PPM1L: variants seen among roughly 807,000 people sequenced by gnomAD.
The protein encoded by PPM1L is protein phosphatase, Mg2+/Mn2+ dependent 1L.
A neutral mutation model predicts 31.4 loss-of-function variants in PPM1L; 13 were observed. The ratio of observed to expected loss-of-function variants is 0.41; its 90% CI spans 0.27 to 0.66. The LOEUF is 0.66. Ranked by LOEUF, PPM1L falls within the 30% of genes least tolerant of loss-of-function variation. The pLI is 0.29. For synonymous variants in PPM1L, 184 were observed against 175.4 expected (o/e 1.05, Z -0.39); for missense variants, 326 against 453.7 (o/e 0.72, Z 2.56).
chr3:161,078,060 G>A lies in PPM1L; in HGVS notation c.*8903G>A, dbSNP rs1720165181. 1 of 152,142 alleles carries A rather than the reference G, an allele frequency of 6.6e-6. No individual in the cohort carries two copies. The highest frequency in any genetic ancestry group is 2.4e-5 in the African/African-American group (1 of 41,426). 9.4% of individuals were successfully genotyped at this position (152,142 alleles called of 1,614,324 possible). On this transcript the variant is annotated 3_prime_UTR_variant, in exon 4 of 4. Transcript: ENST00000498165. Reference sequence around the variant, plus strand: ...TTAGAGACGGTAAAGATCTGATTGTGATCAAAAGTAGGGTTTTTGTTTTGT... The same window carrying A: ...TTAGAGACGGTAAAGATCTGATTGTAATCAAAAGTAGGGTTTTTGTTTTGT...
intron 1 of PPM1L, among the ~76,000 whole-genome samples, chr3:160,921,032 A>G (rs970116358): frequency 1.3e-5 from 2 of 152,224 alleles, no homozygotes; most frequent in Non-Finnish European, 2.9e-5. Context: ...TGCCAAAAAC[A>G]TAGAAATCTG....
intron 1 of PPM1L, among the ~76,000 whole-genome samples, chr3:160,920,856 T>C (rs985231527): frequency 6.6e-6 from 1 of 152,012 alleles, no homozygotes; most frequent in Non-Finnish European, 1.5e-5. Context: ...ATAACCAGGT[T>C]CCCCTGGCAG....
At chr3:160,991,231 A>G (rs1717126480) in intron 2 of PPM1L, among the ~76,000 whole-genome samples, 1 of 152,226 alleles carries the variant, frequency 6.6e-6, no homozygotes, top group Non-Finnish European at 1.5e-5. Flanking sequence ...AATTAAATTC[A>G]GGGAAGAGAC....
intron 1 of PPM1L, among the ~76,000 whole-genome samples, chr3:160,760,494 A>G (rs1282858698): frequency 6.6e-6 from 1 of 152,148 alleles, no homozygotes; most frequent in Non-Finnish European, 1.5e-5. Context: ...GATTCTAACC[A>G]TGATACTGTG....
rs181450726 is a variant in PPM1L, at chr3:160,761,854, A to C, written c.399+5147A>C. On this transcript the variant is annotated intron_variant, in intron 1 of 3. Coordinates refer to ENST00000498165, the MANE Select transcript of PPM1L (RefSeq NM_139245.4). ...AGAAGAAGAGAGCTTGTGGAGGGAAACTTCCCCTTATATAATTATCAGATC... is the reference window on the plus strand; with the variant it reads ...AGAAGAAGAGAGCTTGTGGAGGGAACCTTCCCCTTATATAATTATCAGATC... 6.1e-4 allele frequency among the ~76,000 whole-genome samples: 93 copies of C among 152,178 alleles called. 2 individuals carry two copies. The highest frequency in any genetic ancestry group is 5.4e-3 in the Admixed American group (82 of 15,266).
chr3:160,875,224 A>G (rs1016035462), intron 1 of PPM1L, among the ~76,000 whole-genome samples: 1 of 152,322 alleles, frequency 6.6e-6, no homozygotes, highest in East Asian at 1.9e-4. Flanking sequence ...TATGGAATGT[A>G]CTTATTTATT....
chr3:160,922,500 C>T (rs1218893697), intron 1 of PPM1L, among the ~76,000 whole-genome samples: 1 of 152,192 alleles, frequency 6.6e-6, no homozygotes, highest in Non-Finnish European at 1.5e-5. Context: ...AATTCTCCAT[C>T]ACCCACCAGG....
chr3:160,889,450 G>A (rs2108044639), intron 1 of PPM1L, among the ~76,000 whole-genome samples: 1 of 152,262 alleles, frequency 6.6e-6, no homozygotes, highest in Admixed American at 6.5e-5. Context: ...ACTAAGTCAG[G>A]AAGAAGTTGA....
chr3:160,865,442 T>A (rs528954150), intron 1 of PPM1L, among the ~76,000 whole-genome samples: 97 of 152,222 alleles, frequency 6.4e-4, no homozygotes, highest in African/African-American at 2.1e-3. Flanking sequence ...ATTATAGTAA[T>A]TAGCCCCTTT....
intron 2 of PPM1L, among the ~76,000 whole-genome samples, chr3:161,002,530 G>C (rs778659): frequency 0.22 from 32,386 of 148,588 alleles, 4,152 homozygotes; most frequent in African/African-American, 0.35. Context: ...GATCGCCATT[G>C]TAACTGGTGT....
At chr3:160,883,253 T>C (rs1712785029) in intron 1 of PPM1L, among the ~76,000 whole-genome samples, 1 of 152,002 alleles carries the variant, frequency 6.6e-6, no homozygotes, top group Admixed American at 6.6e-5. Context: ...AAAATAAAAC[T>C]TTTTTTTACC....
At chr3:160,930,812 G>A (rs1468912055) in intron 1 of PPM1L, among the ~76,000 whole-genome samples, 2 of 143,700 alleles carry the variant, frequency 1.4e-5, no homozygotes, top group African/African-American at 5.2e-5. Flanking sequence ...TTTTGGTTGC[G>A]GCTGGGTTGT....
At chr3:160,771,356 A>G (rs1463788608) in intron 1 of PPM1L, among the ~76,000 whole-genome samples, 1 of 151,726 alleles carries the variant, frequency 6.6e-6, no homozygotes, top group Non-Finnish European at 1.5e-5. Flanking sequence ...TCCTGGGCTC[A>G]GGTGATCCTC....
chr3:160,780,585 A>G (rs1435958748), intron 1 of PPM1L, among the ~76,000 whole-genome samples: 1 of 152,244 alleles, frequency 6.6e-6, no homozygotes, highest in African/African-American at 2.4e-5. Context: ...TTCAGCTTTC[A>G]TGACAGTACC....
intron 1 of PPM1L, among the ~76,000 whole-genome samples, chr3:160,803,979 G>A (rs1258954857): frequency 6.6e-6 from 1 of 152,124 alleles, no homozygotes; most frequent in African/African-American, 2.4e-5. Context: ...GTACAGTGGC[G>A]CAATCTCCGC....
chr3:160,828,514 G>A (rs1713420203), intron 1 of PPM1L, among the ~76,000 whole-genome samples: 1 of 152,164 alleles, frequency 6.6e-6, no homozygotes, highest in South Asian at 2.1e-4. Flanking sequence ...CTGTAAAACA[G>A]AGAGATAGAC....
rs115890331 is a variant in PPM1L, at chr3:160,955,299, C to T, written c.400-6437C>T. 5.7e-3 allele frequency among the ~76,000 whole-genome samples: 864 copies of T among 152,112 alleles called. 6 individuals carry two copies. Among genetic ancestry groups the T allele is most frequent in the African/African-American group, 0.02 (826 of 41,492 alleles). ...GTGCTGTGATTACAGGTGTGAGCTA[C>T]GGTGCCCAGCCTTCTTTTTTAAATT... On this transcript the variant is annotated intron_variant, in intron 1 of 3. Coordinates refer to ENST00000498165, the MANE Select transcript of PPM1L (RefSeq NM_139245.4).
At chr3:160,773,683 C>T (rs540862859) in intron 1 of PPM1L, among the ~76,000 whole-genome samples, 2 of 152,236 alleles carry the variant, frequency 1.3e-5, no homozygotes, top group African/African-American at 4.8e-5. Flanking sequence ...ACAGTGTCTG[C>T]TTTCTTCCTA....
intron 2 of PPM1L, among the ~76,000 whole-genome samples, chr3:161,050,947 G>A (rs999221542): frequency 2.0e-5 from 3 of 152,156 alleles, no homozygotes; most frequent in East Asian, 3.8e-4. Flanking sequence ...GAATTACAAA[G>A]AAATCCTCTC....
Sources: gnomAD v4.1 joint callset for allele counts (sites outside exome capture counted in the v4.1 genomes callset) on GRCh38, gnomAD v4.1.1 for gene constraint, MANE v1.5 for transcripts, NCBI Gene and HGNC (gene_info 2026-07-23, HGNC 2026-07-21) for gene names.